Variants in ZNF804B observed in about 807,000 individuals in gnomAD.
ZNF804B encodes zinc finger protein 804B, also known as zinc finger 804B.
ZNF804B carries 80 observed loss-of-function variants against 101.4 expected under a neutral mutation model. The ratio of observed to expected loss-of-function variants is 0.79; its 90% CI spans 0.66 to 0.95. The LOEUF is 0.95. ZNF804B is among the 40% of genes least tolerant of loss of function. The pLI is 0.00. For synonymous variants in ZNF804B, 622 were observed against 558.8 expected, an observed-to-expected ratio of 1.11 and a Z score of -1.59; for missense variants, 1,673 against 1,561.9, an observed-to-expected ratio of 1.07 and a Z score of -1.20.
At chr7:88,845,578 A>AG (rs759660755) in intron 1 of ZNF804B, among the ~76,000 whole-genome samples, 7 of 149,650 alleles carry the variant, frequency 4.7e-5, no homozygotes, top group Admixed American at 6.6e-5. Flanking sequence ...ACTTTTGCTC[A>AG]GGGTTTTTTT....
intron 1 of ZNF804B, among the ~76,000 whole-genome samples, chr7:89,197,549 A>G (rs1411307366): frequency 4.0e-5 from 6 of 151,804 alleles, no homozygotes; most frequent in Non-Finnish European, 7.4e-5. Context: ...TGTATATACT[A>G]TAAGAGTTTT....
chr7:89,307,658 T>G (rs796863474), intron 2 of ZNF804B, among the ~76,000 whole-genome samples: 45 of 152,174 alleles, frequency 3.0e-4, no homozygotes, highest in African/African-American at 1.1e-3. Flanking sequence ...ATGTAAAGTT[T>G]TATTCAAATA....
Position 88,759,955 on chromosome 7 carries a change from C to G in ZNF804B, c.-22C>G. 1 of 1,610,080 alleles carries G rather than the reference C, an allele frequency of 6.2e-7. No homozygotes were observed. Among genetic ancestry groups the G allele is most frequent in the Non-Finnish European group, 8.5e-7 (1 of 1,176,372 alleles). On this transcript the variant is annotated 5_prime_UTR_variant, in exon 1 of 4. Coordinates refer to ENST00000333190, the MANE Select transcript of ZNF804B (RefSeq NM_181646.5). ...GGTCGCCTGGTGAGGAGTTGAGACT[C>G]TGCGCCTCCGCCCGGACCCACATGG... is the stretch of plus-strand genomic sequence containing the variant.
At position 89,334,363 on chromosome 7, in the gene ZNF804B, C is replaced by T. The variant is rs769833252; in HGVS notation, c.1381C>T (p.Leu461Phe). ...GHTTLQWPTELLLFTKTEPCI... is the reference protein window; with the variant it reads ...GHTTLQWPTEFLLFTKTEPCI... ...CACCACTCTTCAATGGCCTACGGAA[C>T]TTCTGCTCTTTACAAAAACAGAACC... is the stretch of plus-strand genomic sequence containing the variant. Residue 461 changes from leucine to phenylalanine, a missense_variant, in exon 4 of 4, where the codon CTT becomes TTT. Physicochemically the swap from Leu to Phe is conservative, Grantham distance 22. Transcript: ENST00000333190. 3 of 1,613,824 alleles carry T rather than the reference C, an allele frequency of 1.9e-6. No individual in the cohort carries two copies. The highest frequency in any genetic ancestry group is 8.5e-7 in the Non-Finnish European group (1 of 1,179,824).
chr7:89,121,411 T>C (rs1218385652), intron 1 of ZNF804B, among the ~76,000 whole-genome samples: 1 of 152,170 alleles, frequency 6.6e-6, no homozygotes, highest in Admixed American at 6.5e-5. Context: ...TAATACAAAA[T>C]TATTTTCATT....
intron 1 of ZNF804B, among the ~76,000 whole-genome samples, chr7:88,907,777 T>C (rs1338623763): frequency 6.6e-6 from 1 of 152,002 alleles, no homozygotes; most frequent in African/African-American, 2.4e-5. Context: ...CTTCCAATTG[T>C]CTTCTACCAA....
intron 1 of ZNF804B, among the ~76,000 whole-genome samples, chr7:88,763,168 G>A (rs1296982365): frequency 6.6e-6 from 1 of 152,024 alleles, no homozygotes; most frequent in African/African-American, 2.4e-5. Context: ...GTACATTTAT[G>A]TTCAAATCAC....
intron 1 of ZNF804B, among the ~76,000 whole-genome samples, chr7:88,949,587 C>T (rs1423041848): frequency 6.6e-6 from 1 of 151,794 alleles, no homozygotes; most frequent in Non-Finnish European, 1.5e-5. Context: ...TAGTTTTTAT[C>T]ATATAGAAAT....
intron 1 of ZNF804B, among the ~76,000 whole-genome samples, chr7:89,061,533 C>T (rs895560089): frequency 6.6e-6 from 1 of 152,062 alleles, no homozygotes; most frequent in African/African-American, 2.4e-5. Flanking sequence ...TCCATGCCCT[C>T]TCCTGAGACC....
At chr7:88,898,187 C>T (rs1327463898) in intron 1 of ZNF804B, among the ~76,000 whole-genome samples, 3 of 147,664 alleles carry the variant, frequency 2.0e-5, no homozygotes, top group South Asian at 2.2e-4. Flanking sequence ...CCCGGGTTCA[C>T]GCCATTCTCC....
chr7:89,067,293 T>A (rs1177157854), intron 1 of ZNF804B, among the ~76,000 whole-genome samples: 1 of 152,184 alleles, frequency 6.6e-6, no homozygotes, highest in Non-Finnish European at 1.5e-5. Flanking sequence ...AGTTGTTGAT[T>A]GGAATCTCTA....
chr7:88,966,505 A>G (rs1034509186), intron 1 of ZNF804B, among the ~76,000 whole-genome samples: 1 of 151,580 alleles, frequency 6.6e-6, no homozygotes, highest in Non-Finnish European at 1.5e-5. Flanking sequence ...CTCTTCCTCC[A>G]GTTAATATTT....
chr7:88,965,060 G>T (rs574970177), intron 1 of ZNF804B, among the ~76,000 whole-genome samples: 23 of 151,352 alleles, frequency 1.5e-4, no homozygotes, highest in South Asian at 4.2e-4. Context: ...AATAACCCAG[G>T]AAATAAGTTA....
At chr7:88,889,352 C>A (rs1471938385) in intron 1 of ZNF804B, among the ~76,000 whole-genome samples, 2 of 151,990 alleles carry the variant, frequency 1.3e-5, no homozygotes, top group Non-Finnish European at 2.9e-5. Context: ...TTTTGAGTTA[C>A]TTGAGAGATC....
intron 2 of ZNF804B, among the ~76,000 whole-genome samples, chr7:89,302,302 C>T (rs1441521046): frequency 6.6e-6 from 1 of 151,846 alleles, no homozygotes; most frequent in South Asian, 2.1e-4. Flanking sequence ...CTGAACTCTA[C>T]ATGAGAGTTA....
intron 1 of ZNF804B, among the ~76,000 whole-genome samples, chr7:88,946,536 A>C (rs767223316): frequency 6.9e-6 from 1 of 144,054 alleles, no homozygotes; most frequent in Non-Finnish European, 1.5e-5. Flanking sequence ...TTCATCAGGG[A>C]TATTGGGCTG....
At chr7:88,776,252 G>C (rs1790137762) in intron 1 of ZNF804B, among the ~76,000 whole-genome samples, 1 of 152,170 alleles carries the variant, frequency 6.6e-6, no homozygotes, top group African/African-American at 2.4e-5. Context: ...AGGTTTTCAT[G>C]ACTCCTTAAA....
chr7:89,305,920 G>T (rs984264727), intron 2 of ZNF804B, among the ~76,000 whole-genome samples: 8 of 151,818 alleles, frequency 5.3e-5, no homozygotes, highest in Non-Finnish European at 8.8e-5. Context: ...GATACTAAAG[G>T]TTAGATTGCT....
chr7:88,836,657 G>A (rs920295497), intron 1 of ZNF804B, among the ~76,000 whole-genome samples: 3 of 151,742 alleles, frequency 2.0e-5, no homozygotes, highest in Non-Finnish European at 4.4e-5. Flanking sequence ...AATGAATGTT[G>A]ATCAACATTC....
Sources: gnomAD v4.1 joint callset for allele counts (sites outside exome capture counted in the v4.1 genomes callset) on GRCh38, gnomAD v4.1.1 for gene constraint, MANE v1.5 for transcripts, NCBI Gene and HGNC (gene_info 2026-07-23, HGNC 2026-07-21) for gene names.